The following ZNF221 variants were observed in gnomAD, a reference collection of about 807,000 sequenced individuals.
The protein encoded by ZNF221 is zinc finger protein 221.
ZNF221 carries 10 observed loss-of-function variants against 12.6 expected under a neutral mutation model. The ratio of observed to expected loss-of-function variants is 0.79; its 90% CI spans 0.49 to 1.34. The LOEUF is 1.34. Ranked by LOEUF, ZNF221 falls within the 40% of genes most tolerant of loss-of-function variation. The pLI, the probability that ZNF221 is intolerant of heterozygous loss-of-function variation, is 0.00. For missense variants in ZNF221, 661 were observed against 721.4 expected, an observed-to-expected ratio of 0.92 and a Z score of 0.96; for synonymous variants, 232 against 244.0, an observed-to-expected ratio of 0.95 and a Z score of 0.46.
At chr19:43,960,600 G>T (rs967797428) in intron 1 of ZNF221, among the ~76,000 whole-genome samples, 6 of 152,184 alleles carry the variant, frequency 3.9e-5, no homozygotes, top group Admixed American at 1.3e-4. Context: ...GAAAAGAATG[G>T]TTCCAAGGGC....
At chr19:43,961,679 C>G (rs1974845469) in intron 1 of ZNF221, 1 of 152,152 alleles carries the variant, frequency 6.6e-6, no homozygotes, top group African/African-American at 2.4e-5. Flanking sequence ...TTATGTACTG[C>G]TTTTAGGTGT....
rs557795865 is a variant in ZNF221, at chr19:43,963,416, C to T, written c.81+609C>T. ...GATGGTAGATTATTTCAACAGGGCA[C>T]AGCACATGAGGCTCTGACTGCTACT... On this transcript the variant is annotated intron_variant, in intron 2 of 4. Transcript: ENST00000587682. Among the ~76,000 whole-genome samples the T allele has an allele frequency of 3.3e-5, 5 of 152,338 alleles. No homozygotes were observed. The East Asian group carries it at 7.7e-4, about 24-fold the overall frequency.
intron 1 of ZNF221, among the ~76,000 whole-genome samples, chr19:43,961,142 A>T (rs1288962231): frequency 1.3e-5 from 2 of 152,336 alleles, no homozygotes; most frequent in Admixed American, 1.3e-4. Context: ...GTACAGTAGC[A>T]CAATCCTAAC....
Position 43,966,659 on chromosome 19 carries a change from T to C in ZNF221, c.1157T>C (p.Met386Thr). ...ICRRDFCKHQ[M>T]VHTGEKPYNC... is the part of the protein sequence containing the mutation. ...AGGCGAGATTTTTGTAAGCATCAGA[T>C]GGTCCACACAGGAGAGAAACCATAT... The change falls in exon 5 of 5, where the codon ATG (methionine) becomes ACG (threonine). Residue 386 changes from methionine to threonine, a missense_variant. Physicochemically the swap from Met to Thr is moderately conservative, Grantham distance 81. Transcript: ENST00000587682. The C allele has an allele frequency of 6.2e-7, 1 of 1,612,976 alleles. No individual in the cohort carries two copies. Among genetic ancestry groups the C allele is most frequent in the Non-Finnish European group, 8.5e-7 (1 of 1,179,676 alleles).
At chr19:43,956,041 A>C (rs1684698021) in intron 1 of ZNF221, among the ~76,000 whole-genome samples, 1 of 152,188 alleles carries the variant, frequency 6.6e-6, no homozygotes, top group African/African-American at 2.4e-5. Flanking sequence ...GCCTCAGTTA[A>C]TGCCCCATAG....
the ZNF221 span, among the ~76,000 whole-genome samples, chr19:43,973,280 A>G: frequency 1.3e-5 from 2 of 152,156 alleles, no homozygotes; most frequent in South Asian, 4.1e-4. Context: ...TTTCAAACCC[A>G]CAGCCAATAT....
At position 43,967,103 on chromosome 19, in the gene ZNF221, A is replaced by G. The variant is rs771896394; in HGVS notation, c.1601A>G (p.Tyr534Cys). Residue 534 changes from tyrosine (Y) to cysteine (C), a missense_variant, in exon 5 of 5, where the codon TAC becomes TGC. Tyr to Cys is a radical substitution (Grantham distance 194). Transcript: ENST00000587682. ...ACATGCCATACTGGAGAAAAGCTAT[A>G]CAAATGTGAGCAGTGTGAGAAGGGG... ...HQTCHTGEKL[Y>C]KCEQCEKGYN... 4 of 1,595,808 alleles carry G rather than the reference A, an allele frequency of 2.5e-6. No individual in the cohort carries two copies. The highest frequency in any genetic ancestry group is 1.1e-5 in the South Asian group (1 of 89,166).
In ZNF221 at chr19:43,966,145, A is replaced by C; in HGVS notation, c.643A>C (p.Ile215Leu). Residue 215 changes from isoleucine (I) to leucine (L), a missense_variant, in exon 5 of 5, where the codon ATT (isoleucine) becomes CTT (leucine). Ile to Leu is a conservative substitution (Grantham distance 5, BLOSUM62 2). Coordinates refer to ENST00000587682, the MANE Select transcript of ZNF221 (RefSeq NM_001297588.2). Reference protein sequence around the residue: ...KSFCYSPALHIHQRVHMGEKC... With the variant: ...KSFCYSPALHLHQRVHMGEKC... ...CTTCTGTTACAGCCCAGCCCTTCATATTCATCAGAGAGTCCATATGGGAGA... is the reference window on the plus strand; with the variant it reads ...CTTCTGTTACAGCCCAGCCCTTCATCTTCATCAGAGAGTCCATATGGGAGA... 6.2e-7 allele frequency: 1 copy of C among 1,614,224 alleles called. No homozygotes were observed. Among genetic ancestry groups the C allele is most frequent in the Non-Finnish European group, 8.5e-7 (1 of 1,180,050 alleles).
chr19:43,967,422 C>G lies in ZNF221; in HGVS notation c.*66C>G. The G allele has an allele frequency of 8.4e-7, 1 of 1,185,976 alleles. No individual in the cohort carries two copies. Among genetic ancestry groups the G allele is most frequent in the South Asian group, 1.4e-5 (1 of 69,728 alleles). The allele number at this position is 1,185,976 out of a possible 1,614,324, so 73.5% of individuals were successfully genotyped here. The stretch of plus-strand genomic sequence containing the variant: ...CATCTGACCCATCAATTCTCCACAG[C>G]AGAGAAAAACCATTCAAATATGAGA... On this transcript the variant is annotated 3_prime_UTR_variant, in exon 5 of 5. Transcript: ENST00000587682.
At chr19:43,955,361 G>A (rs1418621885) in intron 1 of ZNF221, among the ~76,000 whole-genome samples, 1 of 151,912 alleles carries the variant, frequency 6.6e-6, no homozygotes, top group East Asian at 1.9e-4. Context: ...GCAAGAACAT[G>A]TCTCGATTTA....
At chr19:43,969,531 T>G (rs1975053104), downstream of ZNF221, among the ~76,000 whole-genome samples, 1 of 151,972 alleles carries the variant, frequency 6.6e-6, no homozygotes. Context: ...GTATTTTTCA[T>G]AGAGACAGGG....
At chr19:43,964,229 C>G (rs1228332137) in intron 2 of ZNF221, among the ~76,000 whole-genome samples, 2 of 152,084 alleles carry the variant, frequency 1.3e-5, no homozygotes, top group Non-Finnish European at 2.9e-5. Context: ...ACACAGTTTT[C>G]CCAATGCTAT....
At chr19:43,952,480 A>C (rs555141678) in intron 1 of ZNF221, among the ~76,000 whole-genome samples, 42 of 152,342 alleles carry the variant, frequency 2.8e-4, no homozygotes, top group Non-Finnish European at 4.6e-4. Context: ...TTCAATTCTA[A>C]GGGCTTTATA....
At chr19:43,980,590 T>TA in the ZNF221 span, among the ~76,000 whole-genome samples, 3 of 152,258 alleles carry the variant, frequency 2.0e-5, no homozygotes, top group Non-Finnish European at 4.4e-5. Context: ...GTAAGATACA[T>TA]ACATACCAGA....
At chr19:43,976,032 C>T in the ZNF221 span, among the ~76,000 whole-genome samples, 1 of 152,028 alleles carries the variant, frequency 6.6e-6, no homozygotes, top group African/African-American at 2.4e-5. Flanking sequence ...AATTTTAAGG[C>T]AGGATTCACA....
At position 43,966,407 on chromosome 19, in the gene ZNF221, G is replaced by T. The variant is rs557392063; in HGVS notation, c.905G>T (p.Arg302Ile). 105 of 1,613,848 alleles carry T rather than the reference G, an allele frequency of 6.5e-5. 1 individual carries two copies. In the Middle Eastern group the frequency reaches 1.5e-3, roughly 23 times the overall value. Reference protein sequence around the residue: ...IHDSQLQEHQRIHTGEKPFKC... With the variant: ...IHDSQLQEHQIIHTGEKPFKC... ...GATTCACAGCTTCAAGAACATCAGAGAATCCATACTGGGGAGAAGCCATTC... is the reference window on the plus strand; with the variant it reads ...GATTCACAGCTTCAAGAACATCAGATAATCCATACTGGGGAGAAGCCATTC... The change falls in exon 5 of 5, where the codon AGA (arginine) becomes ATA (isoleucine). Residue 302 changes from arginine (R) to isoleucine (I), a missense_variant. Coordinates refer to ENST00000587682, the MANE Select transcript of ZNF221 (RefSeq NM_001297588.2).
At chr19:43,960,835 G>C (rs1974830715) in intron 1 of ZNF221, among the ~76,000 whole-genome samples, 1 of 152,222 alleles carries the variant, frequency 6.6e-6, no homozygotes, top group South Asian at 2.1e-4. Context: ...GATTTCAAAG[G>C]ATGTATGAGA....
In ZNF221 at chr19:43,966,771, A is replaced by C; in HGVS notation, c.1269A>C (p.Lys423Asn). ...QQVHSGQKSF[K>N]CEECGKGFYT... ...TCCACAGTGGACAAAAATCCTTCAA[A>C]TGTGAAGAATGTGGGAAGGGATTTT... The change falls in exon 5 of 5, where the codon AAA becomes AAC. Residue 423 changes from lysine to asparagine, a missense_variant. Lys to Asn is a moderately conservative substitution (Grantham distance 94, BLOSUM62 0). Transcript: ENST00000587682. 1.2e-6 allele frequency: 2 copies of C among 1,614,172 alleles called. No individual in the cohort carries two copies. Among genetic ancestry groups the C allele is most frequent in the Non-Finnish European group, 1.7e-6 (2 of 1,180,022 alleles).
chr19:43,965,516 A>G (rs1474735070), intron 4 of ZNF221, among the ~76,000 whole-genome samples, 191 bp downstream of exon 4: 2 of 152,234 alleles, frequency 1.3e-5, no homozygotes, highest in Non-Finnish European at 2.9e-5. Context: ...ATAATTTATC[A>G]TACAAGATTT....
Sources: gnomAD v4.1 joint callset for allele counts (sites outside exome capture counted in the v4.1 genomes callset) on GRCh38, gnomAD v4.1.1 for gene constraint, MANE v1.5 for transcripts, NCBI Gene and HGNC (gene_info 2026-07-23, HGNC 2026-07-21) for gene names.